Variants in ENTHD1 observed in about 807,000 individuals in gnomAD.
The protein encoded by ENTHD1 is ENTH domain containing 1.
A neutral mutation model predicts 39.1 loss-of-function variants in ENTHD1; 23 were observed. The ratio of observed to expected loss-of-function variants is 0.59; its 90% CI spans 0.42 to 0.83. The LOEUF (loss-of-function observed/expected upper bound fraction) is 0.83. Among genes scored for constraint, ENTHD1 ranks in the 40% least tolerant of loss-of-function variants. The pLI, the probability that ENTHD1 is intolerant of heterozygous loss-of-function variation, is 0.00. For synonymous variants in ENTHD1, 230 were observed against 258.2 expected (o/e 0.89, Z 1.05); for missense variants, 624 against 705.4 (o/e 0.88, Z 1.31).
chr22:39,890,045 C>T (rs2066413834), intron 1 of ENTHD1, among the ~76,000 whole-genome samples: 1 of 151,122 alleles, frequency 6.6e-6, no homozygotes, highest in African/African-American at 2.4e-5. Context: ...TTGCACTGAG[C>T]CGAGATTAGG....
chr22:39,779,580 G>A (rs1220552133), intron 5 of ENTHD1, among the ~76,000 whole-genome samples: 1 of 151,602 alleles, frequency 6.6e-6, no homozygotes, highest in Non-Finnish European at 1.5e-5. Context: ...AAATTTGAAG[G>A]TATAAAACCC....
At chr22:39,834,822 A>G (rs1158043431) in intron 4 of ENTHD1, among the ~76,000 whole-genome samples, 1 of 152,248 alleles carries the variant, frequency 6.6e-6, no homozygotes, top group African/African-American at 2.4e-5. Flanking sequence ...TTCATGTGAC[A>G]ACCTGTCGGC....
intron 5 of ENTHD1, among the ~76,000 whole-genome samples, chr22:39,792,417 A>G (rs1056947134): frequency 6.6e-6 from 1 of 152,098 alleles, no homozygotes; most frequent in Non-Finnish European, 1.5e-5. Context: ...TGCTATTGTT[A>G]CCTCGCATTT....
intron 2 of ENTHD1, among the ~76,000 whole-genome samples, 165 bp downstream of exon 2, chr22:39,887,235 A>G (rs930963602): frequency 6.6e-6 from 1 of 152,098 alleles, no homozygotes; most frequent in Non-Finnish European, 1.5e-5. Flanking sequence ...GGGTCTCTCT[A>G]TGTTGCCCAG....
At chr22:39,862,546 C>CAAAAA (rs553393294) in intron 2 of ENTHD1, among the ~76,000 whole-genome samples, 2 of 70,374 alleles carry the variant, frequency 2.8e-5, no homozygotes, top group Non-Finnish European at 5.6e-5. Flanking sequence ...GACTCTGTCT[C>CAAAAA]AAAAAAAAAA....
At chr22:39,797,044 C>G (rs951830222) in intron 5 of ENTHD1, among the ~76,000 whole-genome samples, 2 of 152,186 alleles carry the variant, frequency 1.3e-5, no homozygotes, top group Non-Finnish European at 1.5e-5. Context: ...TCTGGGTACT[C>G]TAGTGTTGGT....
At chr22:39,840,774 A>G (rs1224782684) in intron 3 of ENTHD1, among the ~76,000 whole-genome samples, 1 of 147,062 alleles carries the variant, frequency 6.8e-6, no homozygotes, top group African/African-American at 2.5e-5. Flanking sequence ...TTTTTTTTTG[A>G]GACGGAGTCT....
intron 2 of ENTHD1, among the ~76,000 whole-genome samples, chr22:39,879,986 G>A (rs2066324944): frequency 6.6e-6 from 1 of 152,232 alleles, no homozygotes; most frequent in African/African-American, 2.4e-5. Context: ...CCAACAATTT[G>A]GGAAGCCAAG....
chr22:39,779,858 T>A (rs1018288627), intron 5 of ENTHD1, among the ~76,000 whole-genome samples: 4 of 152,358 alleles, frequency 2.6e-5, no homozygotes, highest in African/African-American at 9.6e-5. Flanking sequence ...TAAGTTGTCA[T>A]CTCTTTAAAA....
At chr22:39,810,506 G>C (rs566669481) in intron 5 of ENTHD1, among the ~76,000 whole-genome samples, 3 of 152,288 alleles carry the variant, frequency 2.0e-5, no homozygotes, top group African/African-American at 4.8e-5. Context: ...GTATTAGAGA[G>C]ATCAGGCAGA....
chr22:39,744,497 G>A (rs1455694043), intron 6 of ENTHD1, among the ~76,000 whole-genome samples: 1 of 151,944 alleles, frequency 6.6e-6, no homozygotes, highest in African/African-American at 2.4e-5. Flanking sequence ...ATAATACCAT[G>A]GAAATGAAAC....
intron 3 of ENTHD1, among the ~76,000 whole-genome samples, chr22:39,852,502 G>T (rs2066050337): frequency 6.6e-6 from 1 of 152,242 alleles, no homozygotes; most frequent in Non-Finnish European, 1.5e-5. Flanking sequence ...CAACAGGGAT[G>T]CTTTCTGAGA....
chr22:39,786,467 G>C (rs562244703), intron 5 of ENTHD1, among the ~76,000 whole-genome samples: 1 of 152,132 alleles, frequency 6.6e-6, no homozygotes, highest in Non-Finnish European at 1.5e-5. Context: ...GAATGGGGCA[G>C]GTATTCAGAC....
intron 6 of ENTHD1, among the ~76,000 whole-genome samples, chr22:39,748,052 C>G (rs1473915071): frequency 6.6e-6 from 1 of 152,020 alleles, no homozygotes; most frequent in Non-Finnish European, 1.5e-5. Flanking sequence ...AATTTGAGAA[C>G]AGCCTGAGCA....
chr22:39,830,184 T>C (rs1489671619), intron 4 of ENTHD1, among the ~76,000 whole-genome samples: 2 of 152,156 alleles, frequency 1.3e-5, no homozygotes, highest in Non-Finnish European at 2.9e-5. Flanking sequence ...CAAACAATTC[T>C]CCTGCCTCAG....
At chr22:39,791,684 C>T (rs2065505669) in intron 5 of ENTHD1, among the ~76,000 whole-genome samples, 1 of 152,148 alleles carries the variant, frequency 6.6e-6, no homozygotes. Flanking sequence ...AGGCATGAGC[C>T]ACCATGTCTG....
chr22:39,879,951 G>A (rs1453149237), intron 2 of ENTHD1, among the ~76,000 whole-genome samples: 2 of 152,200 alleles, frequency 1.3e-5, no homozygotes, highest in Non-Finnish European at 2.9e-5. Flanking sequence ...AATGAGGCTG[G>A]GCGCAATGGC....
At chr22:39,831,880 C>T (rs560487454) in intron 4 of ENTHD1, among the ~76,000 whole-genome samples, 5 of 152,108 alleles carry the variant, frequency 3.3e-5, no homozygotes, top group African/African-American at 1.2e-4. Flanking sequence ...ACTGAGTACA[C>T]GTAGTCTTAA....
At chr22:39,824,022 C>T (rs1237109605) in intron 4 of ENTHD1, among the ~76,000 whole-genome samples, 1 of 152,070 alleles carries the variant, frequency 6.6e-6, no homozygotes, top group Non-Finnish European at 1.5e-5. Context: ...TTTAACAGTT[C>T]TTTAAATGCT....
Sources: gnomAD v4.1 joint callset for allele counts (sites outside exome capture counted in the v4.1 genomes callset) on GRCh38, gnomAD v4.1.1 for gene constraint, MANE v1.5 for transcripts, NCBI Gene and HGNC (gene_info 2026-07-23, HGNC 2026-07-21) for gene names.